NKAIN3: variants seen among roughly 807,000 people sequenced by gnomAD.
NKAIN3 encodes the protein sodium/potassium-transporting ATPase subunit beta-1-interacting protein 3.
A neutral mutation model predicts 30.2 loss-of-function variants in NKAIN3; 25 were observed. The ratio of observed to expected loss-of-function variants is 0.83; its 90% CI spans 0.60 to 1.16. NKAIN3 has a LOEUF of 1.16. Among genes scored for constraint, NKAIN3 ranks in the 50% most tolerant of loss-of-function variants. The probability of loss-of-function intolerance (pLI) is 0.00; values close to 1 mark genes in which losing one functional copy is unlikely to be tolerated. For missense variants in NKAIN3, 225 were observed against 254.1 expected (o/e 0.89, Z 0.78); for synonymous variants, 91 against 89.6 (o/e 1.02, Z -0.09).
At chr8:62,929,758 C>T (rs1297514689) in intron 5 of NKAIN3, among the ~76,000 whole-genome samples, 1 of 152,170 alleles carries the variant, frequency 6.6e-6, no homozygotes, top group Non-Finnish European at 1.5e-5. Context: ...GTCCAACCCG[C>T]AGCCCATGGG....
At chr8:62,964,844 C>G (rs1271222022) in intron 6 of NKAIN3, among the ~76,000 whole-genome samples, 1 of 151,954 alleles carries the variant, frequency 6.6e-6, no homozygotes, top group Non-Finnish European at 1.5e-5. Flanking sequence ...GAGAGGTAAA[C>G]TGAAGTTTTA....
At chr8:62,689,399 T>C (rs1024160714) in intron 3 of NKAIN3, among the ~76,000 whole-genome samples, 1 of 152,198 alleles carries the variant, frequency 6.6e-6, no homozygotes, top group Non-Finnish European at 1.5e-5. Context: ...TTATCTCACA[T>C]TGTTCATTTT....
chr8:62,753,167 T>G (rs1816339583), intron 4 of NKAIN3, among the ~76,000 whole-genome samples: 1 of 151,624 alleles, frequency 6.6e-6, no homozygotes, highest in African/African-American at 2.4e-5. Context: ...TTAAATTACA[T>G]TCTTACTCTG....
At chr8:62,285,049 T>C (rs910858239) in intron 1 of NKAIN3, among the ~76,000 whole-genome samples, 3 of 152,200 alleles carry the variant, frequency 2.0e-5, no homozygotes, top group Admixed American at 6.6e-5. Flanking sequence ...AATATATTGC[T>C]ATTTTTAGAA....
intron 1 of NKAIN3, among the ~76,000 whole-genome samples, chr8:62,567,040 T>C (rs1809774209): frequency 6.6e-6 from 1 of 152,138 alleles, no homozygotes; most frequent in African/African-American, 2.4e-5. Flanking sequence ...TAAGTACTTC[T>C]GTAGAGTTAA....
intron 4 of NKAIN3, among the ~76,000 whole-genome samples, chr8:62,831,859 C>A (rs1258844137): frequency 6.6e-6 from 1 of 151,978 alleles, no homozygotes; most frequent in Non-Finnish European, 1.5e-5. Context: ...TATAAGAAAT[C>A]CAGAGAACAT....
intron 3 of NKAIN3, among the ~76,000 whole-genome samples, chr8:62,718,231 G>A (rs1814970970): frequency 6.6e-6 from 1 of 152,112 alleles, no homozygotes; most frequent in Non-Finnish European, 1.5e-5. Flanking sequence ...GATTTGGGTG[G>A]GGGCACAGCC....
At chr8:62,796,105 C>T (rs566158974) in intron 4 of NKAIN3, among the ~76,000 whole-genome samples, 1 of 152,022 alleles carries the variant, frequency 6.6e-6, no homozygotes, top group East Asian at 1.9e-4. Flanking sequence ...AGCAGTAGGC[C>T]AGGCAGGGTG....
downstream of NKAIN3, among the ~76,000 whole-genome samples, chr8:62,985,395 T>C (rs1488690338): frequency 6.6e-6 from 1 of 152,220 alleles, no homozygotes; most frequent in African/African-American, 2.4e-5. Context: ...AGAGACATTC[T>C]GAATCCACCT....
At chr8:62,251,341 T>C (rs764196198) in intron 1 of NKAIN3, among the ~76,000 whole-genome samples, 3 of 152,112 alleles carry the variant, frequency 2.0e-5, no homozygotes, top group Non-Finnish European at 2.9e-5. Flanking sequence ...ATGTAAAAGA[T>C]GTGTAGCTCT....
At chr8:62,408,491 G>T (rs914990008) in intron 1 of NKAIN3, among the ~76,000 whole-genome samples, 3 of 152,036 alleles carry the variant, frequency 2.0e-5, no homozygotes, top group African/African-American at 7.2e-5. Flanking sequence ...TAGTATGAAA[G>T]GTTAAAAATA....
chr8:62,895,823 G>A (rs1012618902), intron 4 of NKAIN3, among the ~76,000 whole-genome samples: 1 of 152,034 alleles, frequency 6.6e-6, no homozygotes, highest in Non-Finnish European at 1.5e-5. Flanking sequence ...AAGGAAAGTA[G>A]CATTCAACTC....
At chr8:62,715,700 A>G (rs1385955319) in intron 3 of NKAIN3, among the ~76,000 whole-genome samples, 8 of 152,220 alleles carry the variant, frequency 5.3e-5, no homozygotes, top group Non-Finnish European at 8.8e-5. Context: ...CAATGTCAAG[A>G]AGAAATTATG....
At chr8:62,791,603 C>G (rs1817702935) in intron 4 of NKAIN3, among the ~76,000 whole-genome samples, 1 of 152,020 alleles carries the variant, frequency 6.6e-6, no homozygotes, top group African/African-American at 2.4e-5. Context: ...TATACTAGTT[C>G]CATTACAACA....
chr8:62,906,124 T>C (rs1821766580), intron 4 of NKAIN3, among the ~76,000 whole-genome samples: 1 of 152,148 alleles, frequency 6.6e-6, no homozygotes, highest in Non-Finnish European at 1.5e-5. Context: ...AGAGGCATGA[T>C]AAATGGAGAA....
At chr8:62,951,005 G>A (rs1823270889) in intron 5 of NKAIN3, among the ~76,000 whole-genome samples, 2 of 120,038 alleles carry the variant, frequency 1.7e-5, no homozygotes, top group Admixed American at 1.1e-4. Flanking sequence ...AAATCTGTAA[G>A]AAAACCAACA....
At chr8:62,365,790 T>C (rs1466642983) in intron 1 of NKAIN3, among the ~76,000 whole-genome samples, 1 of 152,116 alleles carries the variant, frequency 6.6e-6, no homozygotes, top group Admixed American at 6.6e-5. Context: ...TTTTTTAATC[T>C]TTTGAGTGTG....
chr8:62,570,400 C>G (rs896128831), intron 1 of NKAIN3, among the ~76,000 whole-genome samples: 2 of 152,112 alleles, frequency 1.3e-5, no homozygotes, highest in African/African-American at 2.4e-5. Flanking sequence ...ACACTGCTGA[C>G]AAAGACATAC....
At chr8:62,664,148 A>G (rs1813027329) in intron 3 of NKAIN3, among the ~76,000 whole-genome samples, 1 of 151,960 alleles carries the variant, frequency 6.6e-6, no homozygotes, top group Non-Finnish European at 1.5e-5. Flanking sequence ...TACCTGTAAG[A>G]ATTTCACCTC....
Sources: allele counts gnomAD v4.1 joint callset (sites outside exome capture counted in the v4.1 genomes callset), GRCh38; gene constraint gnomAD v4.1.1; transcripts MANE v1.5; gene names NCBI Gene and HGNC (gene_info 2026-07-23, HGNC 2026-07-21).